TAF3: variants seen among roughly 807,000 people sequenced by gnomAD.
TAF3 encodes the protein transcription initiation factor TFIID subunit 3.
TAF3 carries 7 observed loss-of-function variants against 80.6 expected under a neutral mutation model. That is an observed-to-expected ratio of 0.09 (90% confidence interval 0.05 to 0.16). TAF3 has a LOEUF of 0.16. Ranked by LOEUF, TAF3 falls within the 10% of genes least tolerant of loss-of-function variation. The pLI is 1.00. For missense variants in TAF3, 921 were observed against 1,140.2 expected (o/e 0.81, Z 2.77); for synonymous variants, 444 against 446.1 (o/e 1.00, Z 0.06).
intron 2 of TAF3, among the ~76,000 whole-genome samples, chr10:7,860,290 GA>G (rs928520189): frequency 0.012 from 1,614 of 135,754 alleles, 27 homozygotes; most frequent in African/African-American, 0.041. Context: ...AAAAAAAGAA[GA>G]AAAAAAAAAA....
At chr10:7,900,724 G>A (rs943568080) in intron 2 of TAF3, among the ~76,000 whole-genome samples, 4 of 152,106 alleles carry the variant, frequency 2.6e-5, no homozygotes, top group African/African-American at 7.2e-5. Context: ...TCCCCAGTTT[G>A]GGGGGAGGTT....
intron 2 of TAF3, among the ~76,000 whole-genome samples, chr10:7,934,446 TA>T (rs1837897534): frequency 3.9e-5 from 6 of 152,140 alleles, no homozygotes; most frequent in Admixed American, 3.9e-4. Context: ...GTTATTTATT[TA>T]TTTATTTATT....
At chr10:7,859,651 T>A (rs1168647251) in intron 2 of TAF3, among the ~76,000 whole-genome samples, 1 of 152,238 alleles carries the variant, frequency 6.6e-6, no homozygotes, top group African/African-American at 2.4e-5. Context: ...ATACGGTTCA[T>A]CTGCCCATTG....
rs71505466 is a variant in TAF3 at position 7,842,164 on chromosome 10, G to GT, written c.409+17615dup. On this transcript the variant is annotated intron_variant, in intron 2 of 6. Coordinates refer to ENST00000344293, the MANE Select transcript of TAF3 (RefSeq NM_031923.4). The stretch of plus-strand genomic sequence containing the variant: ...TGAATTAATATTGTTTTTTTTTTTT[G>GT]TTTTTTTTTTTGTTTTTTTTTTTTT... 6.0e-3 allele frequency among the ~76,000 whole-genome samples: 516 copies of GT among 85,334 alleles called. 10 individuals are homozygous for GT. Among genetic ancestry groups the GT allele is most frequent in the Middle Eastern group, 0.013 (2 of 160 alleles). The allele number at this position is 85,334 out of a possible 152,430, so 56.0% of individuals were successfully genotyped here. A position where few individuals can be genotyped will look rare whatever the true frequency, so the allele number is the denominator to read the frequency against.
At chr10:7,908,761 G>C (rs115389464) in intron 2 of TAF3, among the ~76,000 whole-genome samples, 1,570 of 152,362 alleles carry the variant, frequency 0.01, 30 homozygotes, top group African/African-American at 0.036. Flanking sequence ...AACCTGATAT[G>C]TAAGACAGAT....
chr10:7,828,785 G>A (rs1007471915), intron 2 of TAF3, among the ~76,000 whole-genome samples: 7 of 152,028 alleles, frequency 4.6e-5, no homozygotes, highest in African/African-American at 1.7e-4. Context: ...TGTAATCCCA[G>A]CACTTTGGGA....
At position 7,824,501 on chromosome 10, in the gene TAF3, C is replaced by G; in HGVS notation, c.350C>G (p.Ala117Gly). The change falls in exon 2 of 7, where the codon GCA (alanine) becomes GGA (glycine). Residue 117 changes from alanine (A) to glycine (G), a missense_variant. Ala to Gly is a moderately conservative substitution (Grantham distance 60). Around this residue, in one of 6 missense-constraint regions of TAF3, gnomAD observed 106 missense variants for 191.8 expected, o/e 0.55. Transcript: ENST00000344293. ...TTTCCTCAACCTGGAAGTAAAGATG[C>G]AGAGGAAAGAAAAGAATACATTCCT... ...LQFPQPGSKD[A>G]EERKEYIPDY... 6.2e-7 allele frequency: 1 copy of G among 1,614,124 alleles called. No homozygotes were observed. Among genetic ancestry groups the G allele is most frequent in the South Asian group, 1.1e-5 (1 of 91,076 alleles).
intron 4 of TAF3, 99 bp from the exon 5 acceptor site, chr10:8,008,979 T>C: frequency 6.8e-7 from 1 of 1,460,466 alleles, no homozygotes; most frequent in East Asian, 3.0e-5. Context: ...AGTATTTCGC[T>C]ACTGGAAGAA....
intron 2 of TAF3, among the ~76,000 whole-genome samples, chr10:7,934,167 G>A (rs1837894916): frequency 1.3e-5 from 2 of 152,154 alleles, no homozygotes; most frequent in South Asian, 4.1e-4. Context: ...GAACTTTTAG[G>A]ACTACCTTAA....
At chr10:7,993,439 G>A (rs567851743) in intron 4 of TAF3, among the ~76,000 whole-genome samples, 47 of 152,188 alleles carry the variant, frequency 3.1e-4, no homozygotes, top group Admixed American at 1.2e-3. Context: ...TCAGCCTCCC[G>A]AATTGCTGAG....
chr10:7,822,479 A>G (rs1051902370), intron 1 of TAF3, among the ~76,000 whole-genome samples: 1 of 136,804 alleles, frequency 7.3e-6, no homozygotes, highest in Non-Finnish European at 1.6e-5. Flanking sequence ...GAAGTAACCC[A>G]TACTTATAGA....
In TAF3 at chr10:8,009,953, C is replaced by T. The variant is rs937710288; in HGVS notation, c.2568+623C>T. On this transcript the variant is annotated intron_variant, in intron 5 of 6. Coordinates refer to ENST00000344293, the MANE Select transcript of TAF3 (RefSeq NM_031923.4). This position sits in a 1 kb window ranked among gnomAD's most constrained non-coding sequence, Gnocchi z 4.1. ...TTGAAAGGGGATTTCACTCTGTCAC[C>T]GAGGCTGGAGTGCAGTGGTACGATC... Among the ~76,000 whole-genome samples, 11 of 151,812 alleles carry T rather than the reference C, an allele frequency of 7.2e-5. No individual in the cohort carries two copies. Among genetic ancestry groups the T allele is most frequent in the Admixed American group, 6.6e-5 (1 of 15,250 alleles).
intron 2 of TAF3, among the ~76,000 whole-genome samples, chr10:7,890,149 T>C (rs1008487301): frequency 6.6e-6 from 1 of 152,228 alleles, no homozygotes; most frequent in Non-Finnish European, 1.5e-5. Flanking sequence ...GACTTTTCTC[T>C]TTTTCACCAG....
intron 2 of TAF3, among the ~76,000 whole-genome samples, chr10:7,827,455 T>C (rs1836753221): frequency 6.6e-6 from 1 of 152,062 alleles, no homozygotes; most frequent in African/African-American, 2.4e-5. Context: ...GATACCAGCC[T>C]GGGCAACGTC....
rs747866462 is a variant in TAF3 at position 7,965,594 on chromosome 10, A to C, written c.2084A>C (p.Lys695Thr). ...LPEKLFEEKE[K>T]VKEKEKKKDK... is the part of the protein sequence containing the mutation. ...GAAAAACTGTTTGAGGAGAAAGAGA[A>C]GGTGAAGGAGAAAGAAAAGAAAAAG... Residue 695 changes from lysine (K) to threonine (T), a missense_variant, in exon 3 of 7, where the codon AAG (lysine) becomes ACG (threonine). Physicochemically the swap from Lys to Thr is moderately conservative, Grantham distance 78. Coordinates refer to ENST00000344293, the MANE Select transcript of TAF3 (RefSeq NM_031923.4). 1 of 1,600,462 alleles carries C rather than the reference A, an allele frequency of 6.2e-7. No homozygotes were observed. Among genetic ancestry groups the C allele is most frequent in the Non-Finnish European group, 8.5e-7 (1 of 1,176,586 alleles).
intron 2 of TAF3, among the ~76,000 whole-genome samples, chr10:7,863,708 C>CATATATATATATACACACACAT (rs1203098341): frequency 1.2e-5 from 1 of 81,400 alleles, no homozygotes; most frequent in Non-Finnish European, 2.4e-5. Flanking sequence ...TATATATACA[C>CATATATATATATACACACACAT]ATATATATAT....
intron 2 of TAF3, among the ~76,000 whole-genome samples, chr10:7,925,681 C>T (rs1008349718): frequency 2.6e-5 from 4 of 151,568 alleles, no homozygotes; most frequent in African/African-American, 9.7e-5. Flanking sequence ...TGCCTGTATT[C>T]CCAGCTACTT....
intron 3 of TAF3, 24 bp downstream of exon 3, chr10:7,965,766 C>A: frequency 6.6e-7 from 1 of 1,509,510 alleles, no homozygotes; most frequent in South Asian, 1.5e-5. Flanking sequence ...CATTTTTGGC[C>A]CTATCTGAAC....
intron 2 of TAF3, among the ~76,000 whole-genome samples, chr10:7,898,210 A>G (rs1336355947): frequency 1.3e-5 from 2 of 152,140 alleles, no homozygotes; most frequent in Admixed American, 6.5e-5. Context: ...TGAGGAATTT[A>G]TGTTCCCAAA....
Sources: allele counts gnomAD v4.1 joint callset (sites outside exome capture counted in the v4.1 genomes callset), GRCh38; gene constraint gnomAD v4.1.1; regional missense constraint gnomAD v4.1.1; non-coding constraint Gnocchi (gnomAD v3.1); transcripts MANE v1.5; gene names NCBI Gene and HGNC (gene_info 2026-07-23, HGNC 2026-07-21).